The following LMBR1 variants were observed in gnomAD, a reference collection of about 807,000 sequenced individuals.
LMBR1 encodes the protein limb development membrane protein 1, also known as limb region 1 protein homolog.
LMBR1 carries 52 observed loss-of-function variants against 73.9 expected under a neutral mutation model. That is an observed-to-expected ratio of 0.70 (90% CI 0.56 to 0.89). The LOEUF is 0.89. LMBR1 is among the 40% of genes least tolerant of loss of function. The pLI is 0.00. For synonymous variants in LMBR1, 215 were observed against 209.4 expected (o/e 1.03, Z -0.23); for missense variants, 539 against 579.8 (o/e 0.93, Z 0.72).
chr7:156,815,367 T>C (rs1026214623), intron 4 of LMBR1, among the ~76,000 whole-genome samples: 2 of 151,976 alleles, frequency 1.3e-5, no homozygotes, highest in Non-Finnish European at 1.5e-5. Context: ...TATTTTAAAA[T>C]GACAATGACA....
chr7:156,761,854 G>A (rs924999194), intron 8 of LMBR1, among the ~76,000 whole-genome samples: 1 of 151,912 alleles, frequency 6.6e-6, no homozygotes, highest in African/African-American at 2.4e-5. Context: ...GCAGGGGCCT[G>A]TAGTCCCAGC....
chr7:156,788,735 T>C (rs1439843855), intron 5 of LMBR1, among the ~76,000 whole-genome samples: 1 of 152,196 alleles, frequency 6.6e-6, no homozygotes, highest in East Asian at 1.9e-4. Context: ...CTGTAATTTC[T>C]AGGAGATCTG....
chr7:156,754,629 T>A (rs1438048091), intron 9 of LMBR1, among the ~76,000 whole-genome samples: 7 of 152,220 alleles, frequency 4.6e-5, no homozygotes, highest in Non-Finnish European at 1.0e-4. Context: ...CAATAAACTC[T>A]TTACTTTTGT....
At chr7:156,735,037 T>C (rs1478276161) in intron 9 of LMBR1, among the ~76,000 whole-genome samples, 1 of 152,208 alleles carries the variant, frequency 6.6e-6, no homozygotes, top group Non-Finnish European at 1.5e-5. Flanking sequence ...CCTTTACACA[T>C]ATTCAAGTTT....
intron 1 of LMBR1, among the ~76,000 whole-genome samples, chr7:156,849,361 A>G (rs1041008703): frequency 4.6e-5 from 7 of 152,150 alleles, no homozygotes; most frequent in African/African-American, 1.7e-4. Flanking sequence ...CTACTTGAGG[A>G]TGGGAGGGAG....
At chr7:156,883,514 G>A (rs185315660) in intron 1 of LMBR1, among the ~76,000 whole-genome samples, 15 of 152,306 alleles carry the variant, frequency 9.8e-5, no homozygotes, top group Admixed American at 9.8e-4. Context: ...AAGATATACA[G>A]GGACAGCAGT....
chr7:156,836,322 A>C (rs1837633811), intron 2 of LMBR1, among the ~76,000 whole-genome samples: 1 of 152,244 alleles, frequency 6.6e-6, no homozygotes, highest in African/African-American at 2.4e-5. Context: ...AAAGTTCATT[A>C]AAAAGAGTAA....
At chr7:156,863,782 G>A (rs1260185380) in intron 1 of LMBR1, among the ~76,000 whole-genome samples, 1 of 151,994 alleles carries the variant, frequency 6.6e-6, no homozygotes, top group Non-Finnish European at 1.5e-5. Context: ...CATTGCAGTA[G>A]GCTATATAGA....
intron 5 of LMBR1, among the ~76,000 whole-genome samples, chr7:156,772,776 A>G (rs901575523): frequency 1.5e-4 from 23 of 149,874 alleles, no homozygotes; most frequent in African/African-American, 5.6e-4. Context: ...TGAACCCGGG[A>G]GGCAGAGGTT....
intron 1 of LMBR1, among the ~76,000 whole-genome samples, chr7:156,837,270 G>C (rs1224820515): frequency 6.6e-6 from 1 of 151,002 alleles, no homozygotes; most frequent in Non-Finnish European, 1.5e-5. Flanking sequence ...AGGAGGCGGA[G>C]GTTGCAATGA....
chr7:156,782,025 T>C (rs1194634669), intron 5 of LMBR1, among the ~76,000 whole-genome samples: 1 of 152,232 alleles, frequency 6.6e-6, no homozygotes, highest in African/African-American at 2.4e-5. Context: ...TATGCTACTT[T>C]CTGTTTCTAC....
intron 1 of LMBR1, among the ~76,000 whole-genome samples, chr7:156,883,304 CAGG>C (rs148179706): frequency 0.13 from 20,283 of 151,706 alleles, 1,425 homozygotes; most frequent in Non-Finnish European, 0.16. Context: ...GAGGCTGAGG[CAGG>C]AGAATTGCTT....
chr7:156,716,511 G>A (rs1020282476), intron 15 of LMBR1, among the ~76,000 whole-genome samples: 1 of 152,190 alleles, frequency 6.6e-6, no homozygotes, highest in Non-Finnish European at 1.5e-5. Context: ...TTTCAAAGAA[G>A]TGCACGCCTA....
intron 12 of LMBR1, among the ~76,000 whole-genome samples, chr7:156,727,590 A>C (rs1816021206): frequency 6.6e-6 from 1 of 152,212 alleles, no homozygotes; most frequent in African/African-American, 2.4e-5. Flanking sequence ...CAGATGGCAC[A>C]AGGTCCTGGA....
intron 1 of LMBR1, among the ~76,000 whole-genome samples, chr7:156,840,303 AG>A (rs1364437928): frequency 6.6e-6 from 1 of 152,150 alleles, no homozygotes; most frequent in Non-Finnish European, 1.5e-5. Context: ...TTAGAGGAAC[AG>A]GAAGTGCCAG....
chr7:156,851,519 G>T (rs1796233954), intron 1 of LMBR1, among the ~76,000 whole-genome samples: 1 of 152,146 alleles, frequency 6.6e-6, no homozygotes, highest in African/African-American at 2.4e-5. Context: ...TTTAGGCCCA[G>T]TAACAAGAAT....
chr7:156,882,223 CTTGAGCTCAGGAGT>C (rs1226961350), intron 1 of LMBR1, among the ~76,000 whole-genome samples: 1 of 152,218 alleles, frequency 6.6e-6, no homozygotes, highest in Non-Finnish European at 1.5e-5. Flanking sequence ...AGGAGGATCA[CTTGAGCTCAGGAGT>C]TTGAGACCAG....
intron 1 of LMBR1, among the ~76,000 whole-genome samples, chr7:156,877,007 A>C (rs1054957356): frequency 6.6e-6 from 1 of 152,176 alleles, no homozygotes; most frequent in African/African-American, 2.4e-5. Context: ...AAACAAACAA[A>C]AAAAATACAA....
chr7:156,867,206 T>C (rs1798592487), intron 1 of LMBR1, among the ~76,000 whole-genome samples: 1 of 152,036 alleles, frequency 6.6e-6, no homozygotes, highest in African/African-American at 2.4e-5. Flanking sequence ...CAAATCAAAA[T>C]GACAATGAAA....
Sources: gnomAD v4.1 joint callset for allele counts (sites outside exome capture counted in the v4.1 genomes callset) on GRCh38, gnomAD v4.1.1 for gene constraint, MANE v1.5 for transcripts, NCBI Gene and HGNC (gene_info 2026-07-23, HGNC 2026-07-21) for gene names.